ELK3: variants seen among roughly 807,000 people sequenced by gnomAD.
ELK3 encodes the protein ETS domain-containing protein Elk-3.
A neutral mutation model predicts 28.9 loss-of-function variants in ELK3; 10 were observed. The observed-to-expected ratio is 0.35, with a 90% confidence interval of 0.21 to 0.59. ELK3 has a LOEUF of 0.59. ELK3 is among the 20% of genes least tolerant of loss of function. The pLI is 0.82. For missense variants in ELK3, 463 were observed against 517.3 expected (o/e 0.90, Z 1.02); for synonymous variants, 272 against 243.5 (o/e 1.12, Z -1.09).
intron 4 of ELK3, among the ~76,000 whole-genome samples, chr12:96,262,665 T>C (rs557706449): frequency 6.6e-6 from 1 of 152,258 alleles, no homozygotes; most frequent in East Asian, 1.9e-4. Flanking sequence ...AGCAACTGAG[T>C]ATGGCAAAAG....
At chr12:96,242,355 C>T (rs1381035186) in intron 2 of ELK3, among the ~76,000 whole-genome samples, 1 of 152,210 alleles carries the variant, frequency 6.6e-6, no homozygotes, top group Non-Finnish European at 1.5e-5. Flanking sequence ...GCTTGCTTAT[C>T]TCCAAAATGG....
intron 2 of ELK3, among the ~76,000 whole-genome samples, chr12:96,238,188 G>A (rs984674644): frequency 2.6e-5 from 4 of 152,230 alleles, no homozygotes; most frequent in African/African-American, 4.8e-5. Flanking sequence ...CAGTGTGTAC[G>A]ATTAGATTAT....
intron 2 of ELK3, among the ~76,000 whole-genome samples, chr12:96,242,446 T>G (rs916000316): frequency 1.3e-5 from 2 of 152,236 alleles, no homozygotes; most frequent in Non-Finnish European, 2.9e-5. Context: ...TGACAAATAA[T>G]ACGTGCTCAG....
chr12:96,242,953 G>C (rs924692567), intron 2 of ELK3, among the ~76,000 whole-genome samples: 1 of 152,032 alleles, frequency 6.6e-6, no homozygotes, highest in African/African-American at 2.4e-5. Flanking sequence ...CCGTCACTGC[G>C]TAACCTTTCC....
chr12:96,255,046 C>A (rs1365312205), intron 3 of ELK3, among the ~76,000 whole-genome samples: 1 of 152,042 alleles, frequency 6.6e-6, no homozygotes, highest in Non-Finnish European at 1.5e-5. Context: ...AGGCTGGATC[C>A]AAGTAGGATG....
intron 2 of ELK3, among the ~76,000 whole-genome samples, chr12:96,225,849 C>T (rs1951695341): frequency 6.6e-6 from 1 of 152,178 alleles, no homozygotes. Context: ...TACCAAGAGC[C>T]TCAGGCTGGG....
intron 1 of ELK3, among the ~76,000 whole-genome samples, chr12:96,218,514 A>G (rs1365090799): frequency 6.6e-6 from 1 of 152,040 alleles, no homozygotes; most frequent in Non-Finnish European, 1.5e-5. Context: ...TGTTGGGTGC[A>G]GTGTTCGCTA....
At chr12:96,258,022 G>T (rs564061350) in intron 3 of ELK3, among the ~76,000 whole-genome samples, 2 of 152,220 alleles carry the variant, frequency 1.3e-5, no homozygotes, top group Admixed American at 6.5e-5. Flanking sequence ...GCTTGCAGTA[G>T]ATCAGCTTAT....
At position 96,238,102 on chromosome 12, in the gene ELK3, T is replaced by C. The variant is rs1344883856; in HGVS notation, c.208-8838T>C. 2.0e-5 allele frequency among the ~76,000 whole-genome samples: 3 copies of C among 152,176 alleles called. No homozygotes were observed. In the East Asian group the frequency reaches 5.8e-4, roughly 29 times the overall value. ...CATGAGATTTTGTGTGAGCCTTCTGTAAACTGTAAAGTAAGGTGCCCACCC... is the reference window on the plus strand; with the variant it reads ...CATGAGATTTTGTGTGAGCCTTCTGCAAACTGTAAAGTAAGGTGCCCACCC... On this transcript the variant is annotated intron_variant, in intron 2 of 4. Coordinates refer to ENST00000228741, the MANE Select transcript of ELK3 (RefSeq NM_005230.4).
At chr12:96,260,973 C>A (rs1951988798) in intron 4 of ELK3, among the ~76,000 whole-genome samples, 1 of 152,182 alleles carries the variant, frequency 6.6e-6, no homozygotes, top group Admixed American at 6.5e-5. Context: ...TCCCCAGCAT[C>A]TGGCACATGG....
intron 1 of ELK3, among the ~76,000 whole-genome samples, chr12:96,216,087 G>T (rs146400869): frequency 6.6e-6 from 1 of 152,268 alleles, no homozygotes; most frequent in East Asian, 1.9e-4. Flanking sequence ...TGTGTCTTTT[G>T]CCCTGACCAG....
chr12:96,249,129 TA>T (rs1376296478), intron 3 of ELK3, among the ~76,000 whole-genome samples: 1 of 152,072 alleles, frequency 6.6e-6, no homozygotes, highest in Admixed American at 6.6e-5. Flanking sequence ...GGCACAGAGG[TA>T]AAGTAGTTCG....
intron 4 of ELK3, 86 bp from the exon 5 acceptor site, chr12:96,266,996 C>CTATGGACTG (rs1388834630): frequency 9.0e-7 from 1 of 1,116,204 alleles, no homozygotes; most frequent in African/African-American, 1.6e-5. Context: ...AAATGGACTG[C>CTATGGACTG]TATGGACTGT....
At chr12:96,226,937 T>C (rs1008150342) in intron 2 of ELK3, among the ~76,000 whole-genome samples, 1 of 152,230 alleles carries the variant, frequency 6.6e-6, no homozygotes, top group Non-Finnish European at 1.5e-5. Flanking sequence ...AACTACACTC[T>C]ATTTGACATT....
At chr12:96,254,817 G>A (rs993072984) in intron 3 of ELK3, among the ~76,000 whole-genome samples, 1 of 152,068 alleles carries the variant, frequency 6.6e-6, no homozygotes, top group Non-Finnish European at 1.5e-5. Context: ...TCCTGGAGGG[G>A]GTGAGACCAC....
intron 1 of ELK3, among the ~76,000 whole-genome samples, chr12:96,215,321 A>G (rs567746960): frequency 6.6e-5 from 10 of 152,294 alleles, no homozygotes; most frequent in African/African-American, 2.2e-4. Context: ...TACTTTGCAT[A>G]AGGGGTCTGT....
chr12:96,219,902 G>T (rs865911420), intron 1 of ELK3, among the ~76,000 whole-genome samples: 3 of 152,276 alleles, frequency 2.0e-5, no homozygotes, highest in South Asian at 4.1e-4. Flanking sequence ...TCAAGAGAGC[G>T]CGAGAAGAGG....
chr12:96,234,200 G>A (rs1244688070), intron 2 of ELK3, among the ~76,000 whole-genome samples: 1 of 152,204 alleles, frequency 6.6e-6, no homozygotes, highest in African/African-American at 2.4e-5. Flanking sequence ...CTTCCCTGTG[G>A]CACTCAGTGT....
In ELK3 at chr12:96,269,648, C is replaced by T. The variant is rs372319715; in HGVS notation, c.*2468C>T. ...CAAAGAACATTAATGACTTTCTTTT[C>T]CCTTTTATGTCTGCTTAATCAGTGT... is the stretch of plus-strand genomic sequence containing the variant. On this transcript the variant is annotated 3_prime_UTR_variant, in exon 5 of 5. Coordinates refer to ENST00000228741, the MANE Select transcript of ELK3 (RefSeq NM_005230.4). The T allele has an allele frequency of 7.2e-4, 110 of 152,272 alleles. 2 individuals are homozygous for T. Among genetic ancestry groups the T allele is most frequent in the African/African-American group, 2.6e-3 (108 of 41,552 alleles). 9.4% of individuals were successfully genotyped at this position (152,272 alleles called of 1,614,324 possible).
Sources: allele counts gnomAD v4.1 joint callset (sites outside exome capture counted in the v4.1 genomes callset), GRCh38; gene constraint gnomAD v4.1.1; transcripts MANE v1.5; gene names NCBI Gene and HGNC (gene_info 2026-07-23, HGNC 2026-07-21).